The following ABCC9 variants were observed in gnomAD, a reference collection of about 807,000 sequenced individuals.
The protein encoded by ABCC9 is ATP binding cassette subfamily C member 9, also known as ATP-binding cassette sub-family C member 9.
ABCC9 carries 95 observed loss-of-function variants against 188.3 expected under a neutral mutation model. The observed-to-expected ratio is 0.50, with a 90% CI of 0.43 to 0.60. The LOEUF (loss-of-function observed/expected upper bound fraction) is 0.60. ABCC9 is among the 20% of genes least tolerant of loss of function. The pLI is 0.00. For missense variants in ABCC9, 1,102 were observed against 1,876.3 expected (o/e 0.59, Z 7.62); for synonymous variants, 659 against 652.7 (o/e 1.01, Z -0.15).
chr12:21,910,077 TTACAGAGCTAAA>T, intron 10 of ABCC9, 68 bp downstream of exon 10: 1 of 1,360,884 alleles, frequency 7.3e-7, no homozygotes, highest in South Asian at 1.2e-5. Context: ...TATACACCTT[TTACAGAGCTAAA>T]TACATTACTG....
intron 15 of ABCC9, among the ~76,000 whole-genome samples, chr12:21,886,849 C>T (rs1414318145): frequency 6.6e-6 from 1 of 152,136 alleles, no homozygotes; most frequent in Non-Finnish European, 1.5e-5. Flanking sequence ...GCATGGAATG[C>T]TCTTTTCCCA....
rs113639432 is a variant in ABCC9 at position 21,802,972 on chromosome 12, T to C, written c.4513-1791A>G. On this transcript the variant is annotated intron_variant, in intron 39 of 39. Coordinates refer to ENST00000261200, the MANE Select transcript of ABCC9 (RefSeq NM_020297.4). Reference sequence around the variant, plus strand: ...GATAATGATGCCAGCTTAGAACATGTGCCAGTTTTCAATACCCATGACAAG... The same window carrying C: ...GATAATGATGCCAGCTTAGAACATGCGCCAGTTTTCAATACCCATGACAAG... Among the ~76,000 whole-genome samples the C allele has an allele frequency of 2.6e-3, 397 of 152,146 alleles. 3 individuals carry two copies. Among genetic ancestry groups the C allele is most frequent in the African/African-American group, 8.9e-3 (370 of 41,544 alleles).
In ABCC9 at chr12:21,842,352, G is replaced by T. The variant is rs373381644; in HGVS notation, c.3435C>A (p.Ala1145=). 1.5e-5 allele frequency: 25 copies of T among 1,614,054 alleles called. No homozygotes were observed. The African/African-American group carries it at 2.1e-4, about 14-fold the overall frequency. Residue 1145 remains alanine (A), a synonymous_variant, in exon 29 of 40, where the codon GCC becomes GCA. Transcript: ENST00000261200. ...GAAAGTATTTCTGGATAAAATAAAA[G>T]GCAACACCAAGGGGCAGGAGAGCAA... The part of the protein sequence containing the change: ...FLVALLPLGV[A]FYFIQKYFRV...
chr12:21,910,403 A>G lies in ABCC9; in HGVS notation c.1165-91T>C, dbSNP rs4148656. ...ACTGAAAATAAATAACAAACATTTA[A>G]TTTTTTTGAGAAAAAAGAAAAGAAA... On this transcript the variant is annotated intron_variant, in intron 9 of 39. Coordinates refer to ENST00000261200, the MANE Select transcript of ABCC9 (RefSeq NM_020297.4). The G allele has an allele frequency of 0.61, 813,880 of 1,327,736 alleles. 251,955 individuals are homozygous for G. The highest frequency in any genetic ancestry group is 0.78 in the East Asian group (32,853 of 42,074). 82.2% of individuals were successfully genotyped at this position (1,327,736 alleles called of 1,614,324 possible).
At chr12:21,890,830 G>T (rs1260723659) in intron 14 of ABCC9, among the ~76,000 whole-genome samples, 1 of 151,720 alleles carries the variant, frequency 6.6e-6, no homozygotes, top group African/African-American at 2.4e-5. Flanking sequence ...TGGGGTGGGG[G>T]GATGGGGGAG....
chr12:21,908,937 T>A (rs1948180757), intron 10 of ABCC9, among the ~76,000 whole-genome samples: 1 of 151,952 alleles, frequency 6.6e-6, no homozygotes, highest in South Asian at 2.1e-4. Flanking sequence ...CTCTCTCTGA[T>A]TTATCATGGC....
Position 21,848,978 on chromosome 12 carries a change from A to G in ABCC9, c.2770-732T>C, listed in dbSNP as rs924954232. On this transcript the variant is annotated intron_variant, in intron 24 of 39. Transcript: ENST00000261200. The stretch of plus-strand genomic sequence containing the variant: ...TCATTTTCTCCATGCCCTGCTTCCA[A>G]CACACCAGCTCCCCTGACCTCAGGA... Among the ~76,000 whole-genome samples the G allele has an allele frequency of 2.0e-5, 3 of 152,162 alleles. No individual in the cohort carries two copies. The East Asian group carries it at 5.8e-4, about 29-fold the overall frequency.
intron 15 of ABCC9, among the ~76,000 whole-genome samples, chr12:21,885,507 A>C (rs1323666189): frequency 6.6e-6 from 1 of 152,138 alleles, no homozygotes; most frequent in African/African-American, 2.4e-5. Flanking sequence ...TCTTGAGGTC[A>C]TCTCACTCTG....
At chr12:21,802,929 G>T (rs1037559993) in intron 39 of ABCC9, among the ~76,000 whole-genome samples, 1 of 152,086 alleles carries the variant, frequency 6.6e-6, no homozygotes, top group East Asian at 1.9e-4. Flanking sequence ...GAGGGGAAAA[G>T]AAACATATAT....
intron 22 of ABCC9, among the ~76,000 whole-genome samples, chr12:21,853,390 T>G (rs987085952): frequency 1.3e-5 from 2 of 152,080 alleles, no homozygotes; most frequent in African/African-American, 2.4e-5. Flanking sequence ...TGGGGATATT[T>G]TCAGAATTAA....
At chr12:21,818,644 CTT>C (rs77782399) in intron 31 of ABCC9, among the ~76,000 whole-genome samples, 2,018 of 107,326 alleles carry the variant, frequency 0.019, 56 homozygotes, top group African/African-American at 0.064. Context: ...GTAGGGTTTA[CTT>C]TTTTTTTTTT....
intron 17 of ABCC9, 138 bp downstream of exon 17, chr12:21,875,516 A>C (rs1592127437): frequency 1.5e-6 from 1 of 660,384 alleles, no homozygotes. Flanking sequence ...AGTGGCTCGC[A>C]AGCACAATAG....
intron 29 of ABCC9, among the ~76,000 whole-genome samples, 187 bp from the exon 30 acceptor site, chr12:21,838,357 A>T (rs1944210456): frequency 6.6e-6 from 1 of 152,224 alleles, no homozygotes; most frequent in African/African-American, 2.4e-5. Context: ...AGATGGGTAT[A>T]TAATGAATAC....
chr12:21,829,885 A>G (rs1943656817), intron 30 of ABCC9, among the ~76,000 whole-genome samples: 1 of 152,184 alleles, frequency 6.6e-6, no homozygotes, highest in Admixed American at 6.5e-5. Context: ...ATACTTTTAA[A>G]ATTATCTTTT....
intron 19 of ABCC9, among the ~76,000 whole-genome samples, chr12:21,863,902 G>A (rs1945651030): frequency 1.3e-5 from 2 of 152,238 alleles, no homozygotes; most frequent in South Asian, 4.2e-4. Context: ...TACGTCTTAG[G>A]AGTGTAGAAG....
At chr12:21,853,748 T>G (rs984919956) in intron 22 of ABCC9, among the ~76,000 whole-genome samples, 1 of 152,066 alleles carries the variant, frequency 6.6e-6, no homozygotes, top group African/African-American at 2.4e-5. Flanking sequence ...CCTCAAACTA[T>G]GAGTTAGAAA....
chr12:21,838,562 A>G (rs1024932322), intron 29 of ABCC9, among the ~76,000 whole-genome samples: 2 of 152,200 alleles, frequency 1.3e-5, no homozygotes, highest in African/African-American at 4.8e-5. Context: ...AAGAAGAAAA[A>G]TAACAAGAAC....
chr12:21,918,526 C>G (rs180806866), intron 5 of ABCC9, among the ~76,000 whole-genome samples: 29 of 152,226 alleles, frequency 1.9e-4, no homozygotes, highest in African/African-American at 7.0e-4. Flanking sequence ...TTTAAAAAAT[C>G]AAGAACAGTC....
chr12:21,842,533 C>A lies in ABCC9; in HGVS notation c.3316-62G>T, dbSNP rs1004129951. 1.6e-5 allele frequency: 24 copies of A among 1,516,882 alleles called. No homozygotes were observed. The Middle Eastern group carries it at 5.1e-4, about 32-fold the overall frequency. 94.0% of individuals were successfully genotyped at this position (1,516,882 alleles called of 1,614,324 possible). ...CAGTGAAATATTGGCTGCAATGTAA[C>A]AAAAATACCTATTTTTATGTTGATA... is the stretch of plus-strand genomic sequence containing the variant. On this transcript the variant is annotated intron_variant, in intron 28 of 39. Coordinates refer to ENST00000261200, the MANE Select transcript of ABCC9 (RefSeq NM_020297.4).
Sources: allele counts gnomAD v4.1 joint callset (sites outside exome capture counted in the v4.1 genomes callset), GRCh38; gene constraint gnomAD v4.1.1; transcripts MANE v1.5; gene names NCBI Gene and HGNC (gene_info 2026-07-23, HGNC 2026-07-21).